KIFC3: variants seen among roughly 807,000 people sequenced by gnomAD.
KIFC3 encodes the protein kinesin-like protein KIFC3.
KIFC3 carries 60 observed loss-of-function variants against 101.8 expected under a neutral mutation model. The observed-to-expected ratio is 0.59, with a 90% CI of 0.48 to 0.73. The LOEUF is 0.73. Among genes scored for constraint, KIFC3 ranks in the 30% least tolerant of loss-of-function variants. The pLI is 0.00. For missense variants in KIFC3, 966 were observed against 1,137.1 expected (o/e 0.85, Z 2.16); for synonymous variants, 476 against 482.7 (o/e 0.99, Z 0.18).
chr16:57,801,898 C>T (rs2054751275), intron 1 of KIFC3, among the ~76,000 whole-genome samples: 1 of 152,246 alleles, frequency 6.6e-6, no homozygotes, highest in Admixed American at 6.5e-5. Context: ...GGCCAAGGCC[C>T]TTCTTCCTAA....
chr16:57,816,133 T>C (rs1469462046), intron 1 of KIFC3: 4 of 1,163,390 alleles, frequency 3.4e-6, no homozygotes, highest in African/African-American at 3.2e-5. Context: ...CCATTTGACC[T>C]GCTACCTGAG....
intron 1 of KIFC3, among the ~76,000 whole-genome samples, chr16:57,854,741 G>T (rs761074425): frequency 9.9e-5 from 15 of 152,026 alleles, no homozygotes; most frequent in Non-Finnish European, 1.6e-4. Flanking sequence ...AAGAACAACA[G>T]AATATATTCT....
intron 3 of KIFC3, among the ~76,000 whole-genome samples, chr16:57,786,734 C>T (rs1555617915): frequency 6.6e-6 from 1 of 152,168 alleles, no homozygotes; most frequent in Non-Finnish European, 1.5e-5. Flanking sequence ...GGATCTTAGA[C>T]TCTGGGAAGG....
intron 1 of KIFC3, among the ~76,000 whole-genome samples, chr16:57,815,081 G>A (rs2055189871): frequency 6.6e-6 from 1 of 152,182 alleles, no homozygotes; most frequent in African/African-American, 2.4e-5. Context: ...GCCTGGCCCT[G>A]TCCAGGCTGG....
At chr16:57,808,989 T>C (rs1486345431) in intron 1 of KIFC3, among the ~76,000 whole-genome samples, 4 of 152,208 alleles carry the variant, frequency 2.6e-5, no homozygotes, top group Admixed American at 1.3e-4. Context: ...CTCTGCCTTT[T>C]CTTACTTTGA....
At position 57,847,258 on chromosome 16, in the gene KIFC3, GGAAGGAAGGA is replaced by G. The variant is rs1567339409; in HGVS notation, c.108+15461_108+15470del. On this transcript the variant is annotated intron_variant, in intron 1 of 2. Coordinates refer to the KIFC3 transcript ENST00000563028. ...AGGAAGGAAGGAAGGAAGGAAGGAA[GGAAGGAAGGA>G]AGGGAAGGGAGGGAGGGAGAGAGGG... is the stretch of plus-strand genomic sequence containing the variant. Among the ~76,000 whole-genome samples, 54 of 93,382 alleles carry G rather than the reference GGAAGGAAGGA, an allele frequency of 5.8e-4. No homozygotes were observed. The Middle Eastern group carries it at 0.013, about 23-fold the overall frequency. The allele number at this position is 93,382 out of a possible 152,430, so 61.3% of individuals were successfully genotyped here.
In KIFC3 at chr16:57,836,555, C is replaced by T. The variant is rs556570316; in HGVS notation, c.108+26174G>A. 6.6e-5 allele frequency among the ~76,000 whole-genome samples: 10 copies of T among 152,322 alleles called. No individual in the cohort carries two copies. The East Asian group carries it at 1.9e-3, about 29-fold the overall frequency. On this transcript the variant is annotated intron_variant, in intron 1 of 2. Transcript: ENST00000563028. ...GGGAATGAATGGTAGACTTTCTGGTCTCAGGCTGCAAATTCCTTCTGTCTA... is the reference window on the plus strand; with the variant it reads ...GGGAATGAATGGTAGACTTTCTGGTTTCAGGCTGCAAATTCCTTCTGTCTA...
At chr16:57,852,947 A>AT (rs147467022) in intron 1 of KIFC3, among the ~76,000 whole-genome samples, 12,656 of 152,200 alleles carry the variant, frequency 0.083, 518 homozygotes, top group South Asian at 0.13. Flanking sequence ...AGACATAGAA[A>AT]TTTTTTTGTA....
intron 3 of KIFC3, chr16:57,782,244 G>T: frequency 2.9e-6 from 2 of 701,640 alleles, no homozygotes; most frequent in Non-Finnish European, 3.5e-6. Context: ...CCCCAGTTTA[G>T]AGACTGGGAA....
intron 1 of KIFC3, 61 bp from the exon 2 acceptor site, chr16:57,798,343 G>A: frequency 6.9e-7 from 1 of 1,444,664 alleles, no homozygotes; most frequent in South Asian, 1.2e-5. Flanking sequence ...CTGCACCTCG[G>A]GCAGAGCCAG....
intron 1 of KIFC3, among the ~76,000 whole-genome samples, chr16:57,812,828 CT>C (rs2055123572): frequency 6.6e-6 from 1 of 152,242 alleles, no homozygotes; most frequent in Non-Finnish European, 1.5e-5. Context: ...CCTGCTGCCC[CT>C]GAGGGGCTCC....
chr16:57,857,822 C>CTTTTTTT (rs57102595), intron 1 of KIFC3, among the ~76,000 whole-genome samples: 16 of 92,780 alleles, frequency 1.7e-4, no homozygotes, highest in African/African-American at 6.0e-4. Flanking sequence ...TTCTTTCTTT[C>CTTTTTTT]TTTTTTTTTT....
chr16:57,843,918 G>A (rs1204629566), intron 1 of KIFC3, among the ~76,000 whole-genome samples: 1 of 151,784 alleles, frequency 6.6e-6, no homozygotes, highest in Non-Finnish European at 1.5e-5. Context: ...GACCAGCCTG[G>A]CCAACATGGT....
chr16:57,792,201 C>T (rs1349493424), intron 3 of KIFC3, among the ~76,000 whole-genome samples: 2 of 152,146 alleles, frequency 1.3e-5, no homozygotes, highest in Admixed American at 1.3e-4. Flanking sequence ...TGGGCCCTCT[C>T]GTGCACCGGC....
At chr16:57,816,259 C>T in intron 1 of KIFC3, 7 of 1,289,030 alleles carry the variant, frequency 5.4e-6, no homozygotes, top group East Asian at 5.6e-5. Flanking sequence ...ACCCAAATCA[C>T]GACACTCCTT....
chr16:57,775,087 C>T (rs1195026986), intron 3 of KIFC3: 8 of 1,494,536 alleles, frequency 5.4e-6, no homozygotes, highest in South Asian at 2.6e-5. Flanking sequence ...CCACCAGCCA[C>T]CTGCCTGCGG....
chr16:57,764,850 T>C (rs1363210812), intron 11 of KIFC3, among the ~76,000 whole-genome samples: 4 of 29,124 alleles, frequency 1.4e-4, no homozygotes, highest in Admixed American at 4.8e-4. Flanking sequence ...GCTGTGATGG[T>C]GGGAGGGGCC....
intron 1 of KIFC3, among the ~76,000 whole-genome samples, chr16:57,828,464 TG>T (rs1324181073): frequency 1.2e-4 from 18 of 152,200 alleles, no homozygotes; most frequent in Non-Finnish European, 1.8e-4. Context: ...GAAGCCAACG[TG>T]GGTGGCGGGA....
intron 1 of KIFC3, among the ~76,000 whole-genome samples, chr16:57,837,554 G>GAAGGAAGGAAGGAAGGAAGAAAGA (rs71152302): frequency 5.0e-5 from 5 of 100,016 alleles, no homozygotes; most frequent in African/African-American, 1.7e-4. Flanking sequence ...AGGAAGGAAG[G>GAAGGAAGGAAGGAAGGAAGAAAGA]AAGAAAGAAA....
Sources: gnomAD v4.1 joint callset for allele counts (sites outside exome capture counted in the v4.1 genomes callset) on GRCh38, gnomAD v4.1.1 for gene constraint, MANE v1.5 for transcripts, NCBI Gene and HGNC (gene_info 2026-07-23, HGNC 2026-07-21) for gene names.